SPMAP2L: variants seen among roughly 807,000 people sequenced by gnomAD.
SPMAP2L encodes the protein sperm microtubule associated protein 2 like.
chr4:56,623,854 C>A, the SPMAP2L span, among the ~76,000 whole-genome samples: 1 of 152,108 alleles, frequency 6.6e-6, no homozygotes, highest in Non-Finnish European at 1.5e-5. Flanking sequence ...ATGTTTTTAT[C>A]AGCAGCATGA....
chr4:56,621,777 A>C, the SPMAP2L span, among the ~76,000 whole-genome samples: 1 of 152,204 alleles, frequency 6.6e-6, no homozygotes, highest in Non-Finnish European at 1.5e-5. Context: ...TTTGCTGTAT[A>C]GTTGTTTGTG....
the SPMAP2L span, among the ~76,000 whole-genome samples, chr4:56,606,641 A>G: frequency 3.3e-5 from 5 of 152,170 alleles, no homozygotes; most frequent in African/African-American, 1.2e-4. Flanking sequence ...GGACTGAAAG[A>G]TTGCCAGTGT....
chr4:56,618,880 G>A, the SPMAP2L span, among the ~76,000 whole-genome samples: 1 of 152,200 alleles, frequency 6.6e-6, no homozygotes. Flanking sequence ...AGGAAGTTTG[G>A]GAGTTCTGTA....
the SPMAP2L span, among the ~76,000 whole-genome samples, chr4:56,546,142 T>C: frequency 6.6e-6 from 1 of 152,160 alleles, no homozygotes; most frequent in Non-Finnish European, 1.5e-5. Context: ...AATTCCTAAA[T>C]TCTTAGAATT....
At chr4:56,618,038 AG>A in the SPMAP2L span, among the ~76,000 whole-genome samples, 158 of 152,106 alleles carry the variant, frequency 1.0e-3, no homozygotes, top group African/African-American at 3.4e-3. Context: ...CTGCCTTGCT[AG>A]GGTCTCGGGC....
the SPMAP2L span, among the ~76,000 whole-genome samples, chr4:56,583,064 G>A: frequency 6.6e-6 from 1 of 152,118 alleles, no homozygotes; most frequent in African/African-American, 2.4e-5. Flanking sequence ...CTTGAGGTCA[G>A]GCGTTCGAGA....
At chr4:56,590,626 G>A in the SPMAP2L span, among the ~76,000 whole-genome samples, 1 of 152,162 alleles carries the variant, frequency 6.6e-6, no homozygotes, top group Non-Finnish European at 1.5e-5. Flanking sequence ...ACCACACCCA[G>A]CCTTATGGTT....
the SPMAP2L span, among the ~76,000 whole-genome samples, chr4:56,559,172 G>C: frequency 6.6e-6 from 1 of 151,556 alleles, no homozygotes; most frequent in Admixed American, 6.6e-5. Context: ...GTGGTGGTGC[G>C]TGCCTGTAAT....
chr4:56,604,513 C>T, the SPMAP2L span, among the ~76,000 whole-genome samples: 1 of 151,864 alleles, frequency 6.6e-6, no homozygotes, highest in Non-Finnish European at 1.5e-5. Flanking sequence ...CAAAAATTAG[C>T]CTGGTGTGGT....
At chr4:56,576,111 T>C in the SPMAP2L span, among the ~76,000 whole-genome samples, 2 of 152,220 alleles carry the variant, frequency 1.3e-5, no homozygotes, top group Non-Finnish European at 2.9e-5. Context: ...GTGGAATATA[T>C]ACAGTGTACA....
At chr4:56,583,605 G>T in the SPMAP2L span, among the ~76,000 whole-genome samples, 2 of 152,246 alleles carry the variant, frequency 1.3e-5, no homozygotes, top group African/African-American at 4.8e-5. Flanking sequence ...TTTTGATTAG[G>T]GAAAGAAATA....
At chr4:56,577,784 C>T in the SPMAP2L span, among the ~76,000 whole-genome samples, 3 of 152,092 alleles carry the variant, frequency 2.0e-5, no homozygotes, top group Non-Finnish European at 2.9e-5. Flanking sequence ...AGTGAAAGGA[C>T]AGTTATCCTG....
chr4:56,537,554 T>C, the SPMAP2L span, among the ~76,000 whole-genome samples: 35 of 152,356 alleles, frequency 2.3e-4, no homozygotes, highest in African/African-American at 8.4e-4. Context: ...TCTTCTTGCC[T>C]CACCTTCAAG....
chr4:56,573,479 G>T, the SPMAP2L span, among the ~76,000 whole-genome samples: 1 of 151,756 alleles, frequency 6.6e-6, no homozygotes, highest in Non-Finnish European at 1.5e-5. Context: ...CTTTCCCCTC[G>T]GCTCTATTCT....
the SPMAP2L span, chr4:56,594,528 C>T: frequency 2.5e-6 from 4 of 1,607,830 alleles, no homozygotes; most frequent in South Asian, 3.3e-5. Context: ...GGAGAATATG[C>T]TGGACTGGCC....
chr4:56,542,616 G>A, the SPMAP2L span, among the ~76,000 whole-genome samples: 2 of 151,976 alleles, frequency 1.3e-5, no homozygotes, highest in African/African-American at 4.8e-5. Flanking sequence ...AGGAAAATTC[G>A]GTAAAATATC....
the SPMAP2L span, chr4:56,575,428 A>G: frequency 1.4e-6 from 2 of 1,477,442 alleles, no homozygotes; most frequent in Admixed American, 4.2e-5. Context: ...AGGCCTGGGG[A>G]TCGATGTTGG....
At chr4:56,575,452 A>G in the SPMAP2L span, 1 of 1,526,924 alleles carries the variant, frequency 6.5e-7, no homozygotes, top group Non-Finnish European at 8.8e-7. Context: ...ATACTATGAC[A>G]ATTTGAAATC....
At chr4:56,584,318 C>T in the SPMAP2L span, among the ~76,000 whole-genome samples, 1 of 151,980 alleles carries the variant, frequency 6.6e-6, no homozygotes, top group African/African-American at 2.4e-5. Context: ...TACTGTGGAT[C>T]ATAGCAAAAA....
Sources: gnomAD v4.1 joint callset for allele counts (sites outside exome capture counted in the v4.1 genomes callset) on GRCh38, gnomAD v4.1.1 for gene constraint, MANE v1.5 for transcripts, NCBI Gene and HGNC (gene_info 2026-07-23, HGNC 2026-07-21) for gene names.